CHEK2: variants seen among roughly 807,000 people sequenced by gnomAD.
The protein encoded by CHEK2 is serine/threonine-protein kinase Chk2.
A neutral mutation model predicts 69.1 loss-of-function variants in CHEK2; 71 were observed. That is an observed-to-expected ratio of 1.03 (90% CI 0.85 to 1.25). The LOEUF is 1.25. Ranked by LOEUF, CHEK2 falls within the 50% of genes most tolerant of loss-of-function variation. CHEK2 has a pLI of 0.00. For missense variants in CHEK2, 664 were observed against 649.6 expected (o/e 1.02, Z -0.24); for synonymous variants, 189 against 226.9 (o/e 0.83, Z 1.50).
At chr22:28,704,628 C>T (rs1159954708) in intron 7 of CHEK2, among the ~76,000 whole-genome samples, 3 of 152,092 alleles carry the variant, frequency 2.0e-5, no homozygotes, top group African/African-American at 7.2e-5. Flanking sequence ...CCACCACGCC[C>T]GGTGGGCACA....
chr22:28,702,135 C>CTGTGTGTGTGTG (rs141703411), intron 8 of CHEK2, among the ~76,000 whole-genome samples: 11,813 of 140,242 alleles, frequency 0.084, 722 homozygotes, highest in South Asian at 0.17. Flanking sequence ...GTGTGTGTGT[C>CTGTGTGTGTGTG]TGTGTGTGTG....
chr22:28,741,331 T>C (rs17885728), intron 1 of CHEK2, among the ~76,000 whole-genome samples: 3,044 of 151,448 alleles, frequency 0.02, 103 homozygotes, highest in African/African-American at 0.071. Flanking sequence ...CTGGCCACCC[T>C]ATCCCATACA....
chr22:28,729,170 T>C (rs532944837), intron 2 of CHEK2: 5 of 182,838 alleles, frequency 2.7e-5, no homozygotes, highest in African/African-American at 4.8e-5. Flanking sequence ...CTTGTGAATA[T>C]AGATATAAAA....
At chr22:28,733,917 G>A (rs1484092234) in intron 2 of CHEK2, among the ~76,000 whole-genome samples, 17 of 138,982 alleles carry the variant, frequency 1.2e-4, no homozygotes, top group African/African-American at 4.3e-4. Context: ...GCAAGACTCC[G>A]TTGCCAAAAA....
chr22:28,725,471 A>C (rs1797386714), intron 2 of CHEK2, 104 bp from the exon 3 acceptor site: 14 of 1,286,710 alleles, frequency 1.1e-5, no homozygotes, highest in Non-Finnish European at 1.6e-5. Flanking sequence ...TAAGAAGGCA[A>C]TCAGAATTAT....
At chr22:28,693,882 T>C in intron 13 of CHEK2, 150 bp downstream of exon 13, 2 of 699,830 alleles carry the variant, frequency 2.9e-6, no homozygotes, top group South Asian at 2.9e-5. Context: ...AAACAGGTTG[T>C]AACCCATCCT....
At chr22:28,704,064 T>C (rs2053006323) in intron 7 of CHEK2, among the ~76,000 whole-genome samples, 1 of 151,968 alleles carries the variant, frequency 6.6e-6, no homozygotes, top group African/African-American at 2.4e-5. Flanking sequence ...AGGAAAATTC[T>C]AATTTTATAA....
intron 7 of CHEK2, among the ~76,000 whole-genome samples, chr22:28,704,894 G>C (rs2053048887): frequency 6.6e-6 from 1 of 151,966 alleles, no homozygotes. Flanking sequence ...TCATCCAATG[G>C]AACCTTCCCA....
chr22:28,713,776 C>G (rs1243320668), intron 5 of CHEK2, among the ~76,000 whole-genome samples: 1 of 152,004 alleles, frequency 6.6e-6, no homozygotes, highest in African/African-American at 2.4e-5. Context: ...TGCCTCCTGG[C>G]TTCAAGCAAT....
intron 7 of CHEK2, among the ~76,000 whole-genome samples, chr22:28,705,140 G>A (rs1176817952): frequency 6.7e-5 from 10 of 149,664 alleles, no homozygotes; most frequent in South Asian, 2.1e-4. Context: ...GTGCGGTGGC[G>A]AGATCTCGGC....
intron 2 of CHEK2, among the ~76,000 whole-genome samples, chr22:28,725,922 T>C (rs536946911): frequency 0.011 from 1,088 of 99,388 alleles, 16 homozygotes; most frequent in African/African-American, 0.038. Flanking sequence ...AAAAAAAAAA[T>C]GGCCAGGTGT....
At chr22:28,702,515 G>GTTT (rs1279933138) in intron 8 of CHEK2, among the ~76,000 whole-genome samples, 1 of 146,722 alleles carries the variant, frequency 6.8e-6, no homozygotes, top group East Asian at 2.0e-4. Flanking sequence ...TGGGATTACA[G>GTTT]ATGTGAGCCA....
chr22:28,716,170 G>A (rs116753442), intron 5 of CHEK2, among the ~76,000 whole-genome samples: 1,542 of 150,970 alleles, frequency 0.01, 22 homozygotes, highest in African/African-American at 0.036. Context: ...ACCATACCCA[G>A]CCTCATACAT....
At chr22:28,734,243 A>C (rs2054303475) in intron 2 of CHEK2, among the ~76,000 whole-genome samples, 160 bp downstream of exon 2, 1 of 152,218 alleles carries the variant, frequency 6.6e-6, no homozygotes, top group Non-Finnish European at 1.5e-5. Context: ...CCACTTCAAT[A>C]AATCTATGCT....
intron 13 of CHEK2, among the ~76,000 whole-genome samples, chr22:28,691,519 A>T (rs1258847523): frequency 1.3e-5 from 2 of 152,252 alleles, no homozygotes; most frequent in Non-Finnish European, 2.9e-5. Context: ...TTTCTTCATG[A>T]TGTCTACAAT....
chr22:28,706,263 T>C (rs1729300836), intron 7 of CHEK2, among the ~76,000 whole-genome samples: 1 of 151,330 alleles, frequency 6.6e-6, no homozygotes, highest in South Asian at 2.1e-4. Context: ...ATCACACCAG[T>C]GTGCTCTAGC....
At chr22:28,692,819 T>C (rs978318371) in intron 13 of CHEK2, among the ~76,000 whole-genome samples, 1 of 152,226 alleles carries the variant, frequency 6.6e-6, no homozygotes, top group Non-Finnish European at 1.5e-5. Flanking sequence ...GATTGGCTCA[T>C]GGGGGCAGTT....
At chr22:28,719,694 A>G (rs551800664) in intron 4 of CHEK2, among the ~76,000 whole-genome samples, 2 of 152,358 alleles carry the variant, frequency 1.3e-5, no homozygotes, top group East Asian at 3.9e-4. Flanking sequence ...ATGATAGTCA[A>G]ATTTCATGCT....
At chr22:28,703,679 C>A in intron 7 of CHEK2, 113 bp from the exon 8 acceptor site, 1 of 704,172 alleles carries the variant, frequency 1.4e-6, no homozygotes, top group Non-Finnish European at 2.5e-6. Flanking sequence ...AGGCATCTGG[C>A]CCCCTGCCTC....
Sources: gnomAD v4.1 joint callset for allele counts (sites outside exome capture counted in the v4.1 genomes callset) on GRCh38, gnomAD v4.1.1 for gene constraint, MANE v1.5 for transcripts, NCBI Gene and HGNC (gene_info 2026-07-23, HGNC 2026-07-21) for gene names.